The following DNM3 variants were observed in gnomAD, a reference collection of about 807,000 sequenced individuals.
DNM3 encodes the protein dynamin-3.
Under a neutral mutation model 101.6 loss-of-function variants are expected in DNM3, and 47 were observed. That is an observed-to-expected ratio of 0.46 (90% CI 0.37 to 0.59). The LOEUF is 0.59. DNM3 is among the 20% of genes least tolerant of loss of function. The pLI is 0.00. For synonymous variants in DNM3, 385 were observed against 387.9 expected (o/e 0.99, Z 0.09); for missense variants, 849 against 1,085.7 (o/e 0.78, Z 3.06).
chr1:171,868,826 C>G (rs2035006094), intron 1 of DNM3, among the ~76,000 whole-genome samples: 2 of 152,164 alleles, frequency 1.3e-5, no homozygotes, highest in African/African-American at 4.8e-5. Context: ...CTTTGTCACC[C>G]AGGCTGGAGT....
At position 172,397,432 on chromosome 1, in the gene DNM3, A is replaced by G. The variant is rs114850932; in HGVS notation, c.2522+8623A>G. On this transcript the variant is annotated intron_variant, in intron 20 of 20. Transcript: ENST00000627582. Reference sequence around the variant, plus strand: ...GACTTATAGTTTTAGCTCTAACAATAGTACCACTTAGGACTAAGATGAATG... The same window carrying G: ...GACTTATAGTTTTAGCTCTAACAATGGTACCACTTAGGACTAAGATGAATG... 9.2e-3 allele frequency among the ~76,000 whole-genome samples: 1,395 copies of G among 152,328 alleles called. 29 individuals carry two copies. Among genetic ancestry groups the G allele is most frequent in the African/African-American group, 0.032 (1,319 of 41,584 alleles).
At chr1:172,388,445 C>T in intron 19 of DNM3, 128 bp from the exon 20 acceptor site, 1 of 815,892 alleles carries the variant, frequency 1.2e-6, no homozygotes, top group East Asian at 2.7e-5. Context: ...CTTTGACTTT[C>T]ATGACATGAA....
intron 1 of DNM3, among the ~76,000 whole-genome samples, chr1:171,908,941 CCTCCTGCCTTT>C (rs1465758433): frequency 3.3e-5 from 5 of 152,278 alleles, no homozygotes; most frequent in Middle Eastern, 3.4e-3. Flanking sequence ...ATCTTTCCTT[CCTCCTGCCTTT>C]CTGCCTCCTT....
At chr1:172,222,636 C>G (rs1212812496) in intron 14 of DNM3, among the ~76,000 whole-genome samples, 1 of 152,026 alleles carries the variant, frequency 6.6e-6, no homozygotes, top group Non-Finnish European at 1.5e-5. Flanking sequence ...CTGGTTTGGG[C>G]TGAGAATTGG....
At chr1:172,227,629 G>A (rs2061183052) in intron 14 of DNM3, among the ~76,000 whole-genome samples, 1 of 152,030 alleles carries the variant, frequency 6.6e-6, no homozygotes, top group Admixed American at 6.6e-5. Context: ...CATTCTGGCT[G>A]GGGTAAGGTG....
chr1:171,886,961 T>G lies in DNM3; in HGVS notation c.162-34787T>G, dbSNP rs74126522. 3.9e-3 allele frequency among the ~76,000 whole-genome samples: 589 copies of G among 152,342 alleles called. 5 individuals carry two copies. The highest frequency in any genetic ancestry group is 0.014 in the African/African-American group (568 of 41,580). ...GAAAGTTATTTCCCTTTGGTTATAG[T>G]AAAATTGTATTTTAATGTGATGTGA... On this transcript the variant is annotated intron_variant, in intron 1 of 20. Transcript: ENST00000627582.
intron 14 of DNM3, among the ~76,000 whole-genome samples, chr1:172,181,905 T>G (rs1385553652): frequency 6.6e-6 from 1 of 151,946 alleles, no homozygotes; most frequent in African/African-American, 2.4e-5. Context: ...TAATTCTGTG[T>G]GTTCTTGTAT....
chr1:172,325,121 C>CA (rs1250412701), intron 17 of DNM3, among the ~76,000 whole-genome samples: 1 of 152,010 alleles, frequency 6.6e-6, no homozygotes, highest in Admixed American at 6.6e-5. Flanking sequence ...CTTCTGGATC[C>CA]AAAAAATATT....
chr1:171,930,383 T>C (rs553067481), intron 2 of DNM3, among the ~76,000 whole-genome samples: 48 of 152,258 alleles, frequency 3.2e-4, no homozygotes, highest in Non-Finnish European at 6.5e-4. Context: ...TCAGCCTCTT[T>C]CCTAGGGTTA....
At chr1:171,924,659 C>G (rs959085970) in intron 2 of DNM3, among the ~76,000 whole-genome samples, 22 of 152,180 alleles carry the variant, frequency 1.4e-4, no homozygotes, top group Non-Finnish European at 4.4e-5. Flanking sequence ...CACCTGGTCT[C>G]TCCCTTGACA....
chr1:172,254,158 G>A (rs1056224398), intron 15 of DNM3, among the ~76,000 whole-genome samples: 1 of 152,086 alleles, frequency 6.6e-6, no homozygotes, highest in Non-Finnish European at 1.5e-5. Context: ...CTACCTGGGT[G>A]CAAGAGATTC....
At chr1:171,870,102 A>G (rs1044430042) in intron 1 of DNM3, among the ~76,000 whole-genome samples, 3 of 152,192 alleles carry the variant, frequency 2.0e-5, no homozygotes, top group African/African-American at 7.2e-5. Context: ...ACTAGCCTTA[A>G]CTAGGTCTGG....
intron 4 of DNM3, among the ~76,000 whole-genome samples, chr1:172,025,289 G>T (rs969680224): frequency 2.0e-5 from 3 of 152,200 alleles, no homozygotes; most frequent in African/African-American, 7.2e-5. Flanking sequence ...TGAAAGAAAG[G>T]CAGCAGCCCC....
In DNM3 at chr1:172,251,655, A is replaced by T. The variant is rs1557883015; in HGVS notation, c.1660-1918A>T. The stretch of plus-strand genomic sequence containing the variant: ...TTTGGTCTTCACGATATGCTAAAGA[A>T]TGCAGTATAAAAGAGAGCCTACTTC... On this transcript the variant is annotated intron_variant, in intron 14 of 20. Transcript: ENST00000627582. Among the ~76,000 whole-genome samples the T allele has an allele frequency of 5.9e-5, 9 of 152,254 alleles. No individual in the cohort carries two copies. The South Asian group carries it at 1.9e-3, about 32-fold the overall frequency.
chr1:171,930,176 T>G (rs574307377), intron 2 of DNM3, among the ~76,000 whole-genome samples: 1 of 150,790 alleles, frequency 6.6e-6, no homozygotes, highest in Non-Finnish European at 1.5e-5. Flanking sequence ...CAGTTTGAAC[T>G]CTCCAAAGTC....
At chr1:172,246,178 A>G (rs2061946122) in intron 14 of DNM3, among the ~76,000 whole-genome samples, 1 of 152,136 alleles carries the variant, frequency 6.6e-6, no homozygotes. Context: ...CCTTCCTCCA[A>G]CATTGGGAAT....
At chr1:171,943,622 T>G (rs1333633427) in intron 2 of DNM3, among the ~76,000 whole-genome samples, 2 of 152,200 alleles carry the variant, frequency 1.3e-5, no homozygotes, top group East Asian at 3.9e-4. Context: ...ACCTATGACC[T>G]GGAAGCCCCC....
chr1:172,314,946 T>A (rs1198257827), intron 16 of DNM3, among the ~76,000 whole-genome samples: 2 of 152,148 alleles, frequency 1.3e-5, no homozygotes, highest in African/African-American at 4.8e-5. Flanking sequence ...CTCAAGTGGG[T>A]CCCTGACCCC....
Position 172,408,016 on chromosome 1 carries a change from G to A in DNM3, c.*175G>A. On this transcript the variant is annotated 3_prime_UTR_variant, in exon 21 of 21. Coordinates refer to ENST00000627582, the MANE Select transcript of DNM3 (RefSeq NM_015569.5). The stretch of plus-strand genomic sequence containing the variant: ...TTGCTCATGGTATGTCAAACCTTTG[G>A]GGTTTGACTCAGAAACTGCTAACCT... 4.1e-6 allele frequency: 6 copies of A among 1,451,098 alleles called. No individual in the cohort carries two copies. The highest frequency in any genetic ancestry group is 5.4e-6 in the Non-Finnish European group (6 of 1,102,628). The allele number at this position is 1,451,098 out of a possible 1,614,324, so 89.9% of individuals were successfully genotyped here.
Sources: allele counts gnomAD v4.1 joint callset (sites outside exome capture counted in the v4.1 genomes callset), GRCh38; gene constraint gnomAD v4.1.1; transcripts MANE v1.5; gene names NCBI Gene and HGNC (gene_info 2026-07-23, HGNC 2026-07-21).